CDK8: variants seen among roughly 807,000 people sequenced by gnomAD.
CDK8 encodes the protein cyclin dependent kinase 8.
CDK8 carries 29 observed loss-of-function variants against 71.5 expected under a neutral mutation model. The ratio of observed to expected loss-of-function variants is 0.41; its 90% CI spans 0.30 to 0.55. The LOEUF (loss-of-function observed/expected upper bound fraction) is 0.55, where lower values mean the gene tolerates loss of function less well. Among genes scored for constraint, CDK8 ranks in the 20% least tolerant of loss-of-function variants. CDK8 has a pLI of 0.37. For missense variants in CDK8, 288 were observed against 572.6 expected (o/e 0.50, Z 5.07); for synonymous variants, 161 against 192.1 (o/e 0.84, Z 1.34).
chr13:26,271,528 G>A (rs1211411771), intron 1 of CDK8, among the ~76,000 whole-genome samples: 1 of 152,090 alleles, frequency 6.6e-6, no homozygotes, highest in Non-Finnish European at 1.5e-5. Context: ...AAAATGAGCT[G>A]GGTACAGTGA....
chr13:26,358,417 C>A (rs1425863492), intron 4 of CDK8, among the ~76,000 whole-genome samples: 1 of 152,082 alleles, frequency 6.6e-6, no homozygotes, highest in South Asian at 2.1e-4. Flanking sequence ...CCTGCTGTTA[C>A]TAAAATAGGA....
chr13:26,307,954 T>C (rs1874117376), intron 1 of CDK8, among the ~76,000 whole-genome samples: 1 of 152,262 alleles, frequency 6.6e-6, no homozygotes, highest in Non-Finnish European at 1.5e-5. Context: ...TTGTAACTTG[T>C]AAGCTTATTT....
intron 1 of CDK8, among the ~76,000 whole-genome samples, chr13:26,318,390 C>T (rs895855155): frequency 2.0e-5 from 3 of 152,078 alleles, no homozygotes; most frequent in Admixed American, 6.5e-5. Context: ...CCCTCTAAAA[C>T]TTTCAAAAAA....
At chr13:26,268,256 AAC>A (rs3027999) in intron 1 of CDK8, among the ~76,000 whole-genome samples, 9,013 of 116,550 alleles carry the variant, frequency 0.077, 390 homozygotes, top group Non-Finnish European at 0.081. Flanking sequence ...CCCCTCCCCC[AAC>A]ACACACACAC....
chr13:26,369,405 C>T (rs1423992514), intron 4 of CDK8, among the ~76,000 whole-genome samples: 2 of 134,694 alleles, frequency 1.5e-5, no homozygotes, highest in Non-Finnish European at 3.1e-5. Flanking sequence ...GCCAAGATCG[C>T]ACCACTGCAC....
intron 1 of CDK8, among the ~76,000 whole-genome samples, chr13:26,262,818 T>C (rs1871830599): frequency 6.6e-6 from 1 of 152,242 alleles, no homozygotes; most frequent in Non-Finnish European, 1.5e-5. Context: ...TATTTGAAAT[T>C]TACCTTTTGT....
chr13:26,259,343 A>AT (rs1019418355), intron 1 of CDK8, among the ~76,000 whole-genome samples: 3 of 151,946 alleles, frequency 2.0e-5, no homozygotes, highest in Non-Finnish European at 4.4e-5. Context: ...GCATGTACAG[A>AT]TTTTTTTTCT....
At chr13:26,309,412 T>C (rs1377290630) in intron 1 of CDK8, among the ~76,000 whole-genome samples, 1 of 152,196 alleles carries the variant, frequency 6.6e-6, no homozygotes, top group African/African-American at 2.4e-5. Flanking sequence ...GTGCTGGGAT[T>C]ACAGGCATGA....
At chr13:26,379,884 T>C (rs1490521919) in intron 4 of CDK8, among the ~76,000 whole-genome samples, 2 of 152,160 alleles carry the variant, frequency 1.3e-5, no homozygotes, top group Non-Finnish European at 2.9e-5. Context: ...AATTGTTTAA[T>C]TGAGAAAATG....
chr13:26,275,703 T>TGAG (rs1387659562), intron 1 of CDK8, among the ~76,000 whole-genome samples: 3 of 152,252 alleles, frequency 2.0e-5, no homozygotes, highest in Non-Finnish European at 4.4e-5. Context: ...ACCCACCATG[T>TGAG]ATCTCAAATA....
chr13:26,399,628 A>G (rs1876162953), intron 9 of CDK8, among the ~76,000 whole-genome samples: 2 of 152,380 alleles, frequency 1.3e-5, no homozygotes, highest in Non-Finnish European at 1.5e-5. Flanking sequence ...TGGCATTTAT[A>G]GTAATAATAA....
chr13:26,379,273 G>A (rs1317576949), intron 4 of CDK8, among the ~76,000 whole-genome samples: 1 of 152,196 alleles, frequency 6.6e-6, no homozygotes, highest in Middle Eastern at 3.2e-3. Flanking sequence ...TGGGATAAAA[G>A]TGAGATGCTG....
intron 1 of CDK8, among the ~76,000 whole-genome samples, chr13:26,329,300 A>T (rs1175719): frequency 0.83 from 126,023 of 151,832 alleles, 53,961 homozygotes; most frequent in East Asian, 0.99. Context: ...TTAAAGGTGA[A>T]TTTTCATCAT....
At chr13:26,327,981 C>G (rs377062069) in intron 1 of CDK8, among the ~76,000 whole-genome samples, 34 of 114,450 alleles carry the variant, frequency 3.0e-4, no homozygotes, top group African/African-American at 9.9e-4. Flanking sequence ...TTTTTTTTAA[C>G]TTTTGCTTTC....
chr13:26,265,041 G>A (rs1019278675), intron 1 of CDK8, among the ~76,000 whole-genome samples: 4 of 152,156 alleles, frequency 2.6e-5, no homozygotes, highest in Non-Finnish European at 2.9e-5. Flanking sequence ...ATAAACATGC[G>A]AGTGTAGGTA....
At chr13:26,365,354 C>T (rs188395778) in intron 4 of CDK8, among the ~76,000 whole-genome samples, 1 of 152,188 alleles carries the variant, frequency 6.6e-6, no homozygotes, top group East Asian at 1.9e-4. Flanking sequence ...TGGGTACATG[C>T]CACATTTGCT....
At chr13:26,347,848 A>T (rs927522249) in intron 2 of CDK8, among the ~76,000 whole-genome samples, 2 of 152,128 alleles carry the variant, frequency 1.3e-5, no homozygotes, top group African/African-American at 4.8e-5. Context: ...TGCAGATGGG[A>T]ATGTAAAATG....
rs1316416055 is a variant in CDK8, at chr13:26,401,636, T to A, written c.1269+12T>A. The A allele has an allele frequency of 1.2e-6, 2 of 1,613,420 alleles. No homozygotes were observed. The highest frequency in any genetic ancestry group is 3.3e-5 in the Admixed American group (2 of 59,996). On this transcript the variant is annotated intron_variant, in intron 12 of 12. Coordinates refer to ENST00000381527, the MANE Select transcript of CDK8 (RefSeq NM_001260.3). This position sits in a 1 kb window ranked among gnomAD's most constrained non-coding sequence, Gnocchi z 4.5. ...CCTCAGACTATCAGGTATTCCAAGT[T>A]TATTTTGTATTGACTGCATGTCAGT...
At position 26,300,544 on chromosome 13, in the gene CDK8, C is replaced by T. The variant is rs930092859; in HGVS notation, c.129-37023C>T. ...GGATTGGGCGGGGGATTACTGTATACTTGAATAAGACTATAATTTCTCTTT... is the reference window on the plus strand; with the variant it reads ...GGATTGGGCGGGGGATTACTGTATATTTGAATAAGACTATAATTTCTCTTT... On this transcript the variant is annotated intron_variant, in intron 1 of 12. Transcript: ENST00000381527. Among the ~76,000 whole-genome samples, 38 of 152,286 alleles carry T rather than the reference C, an allele frequency of 2.5e-4. 1 individual carries two copies. Among genetic ancestry groups the T allele is most frequent in the African/African-American group, 8.7e-4 (36 of 41,560 alleles).
Sources: gnomAD v4.1 joint callset for allele counts (sites outside exome capture counted in the v4.1 genomes callset) on GRCh38, gnomAD v4.1.1 for gene constraint, Gnocchi (gnomAD v3.1) non-coding constraint, MANE v1.5 for transcripts, NCBI Gene and HGNC (gene_info 2026-07-23, HGNC 2026-07-21) for gene names.